TRAK1: variants seen among roughly 807,000 people sequenced by gnomAD.
TRAK1 encodes trafficking kinesin-binding protein 1.
In TRAK1, 33 loss-of-function variants were observed where a neutral mutation model predicts 92.1. The observed-to-expected ratio is 0.36, with a 90% CI of 0.27 to 0.48. TRAK1 has a LOEUF of 0.48. Among genes scored for constraint, TRAK1 ranks in the 20% least tolerant of loss-of-function variants. The pLI, the probability that TRAK1 is intolerant of heterozygous loss-of-function variation, is 0.99. For missense variants in TRAK1, 1,123 were observed against 1,257.9 expected (o/e 0.89, Z 1.62); for synonymous variants, 521 against 517.3 (o/e 1.01, Z -0.10).
Position 42,108,475 on chromosome 3 carries a change from G to T in TRAK1, c.91+16915G>T, listed in dbSNP as rs1011912050. Among the ~76,000 whole-genome samples, 29 of 143,130 alleles carry T rather than the reference G, an allele frequency of 2.0e-4. 1 individual carries two copies. In the East Asian group the frequency reaches 5.4e-3, roughly 27 times the overall value. 93.9% of individuals were successfully genotyped at this position (143,130 alleles called of 152,430 possible). Reference sequence around the variant, plus strand: ...CACTGCACTCCAGCGTGGGTGACAGGAGTGAGACCCTGCCTTTAAAAAAAA... The same window carrying T: ...CACTGCACTCCAGCGTGGGTGACAGTAGTGAGACCCTGCCTTTAAAAAAAA... On this transcript the variant is annotated intron_variant, in intron 1 of 15. Transcript: ENST00000327628.
At chr3:42,095,132 T>TTA (rs1337266996) in intron 1 of TRAK1, among the ~76,000 whole-genome samples, 3 of 152,314 alleles carry the variant, frequency 2.0e-5, no homozygotes, top group Middle Eastern at 3.4e-3. Flanking sequence ...GAGACACATA[T>TTA]TATACAGTTA....
intron 14 of TRAK1, chr3:42,210,840 A>AC (rs1442784603): frequency 3.0e-6 from 3 of 984,348 alleles, no homozygotes; most frequent in Non-Finnish European, 3.6e-6. Flanking sequence ...GCTCTGGCTG[A>AC]CTCCACCCAC....
At chr3:42,055,727 T>G (rs1246130283) in intron 1 of TRAK1, among the ~76,000 whole-genome samples, 3 of 152,200 alleles carry the variant, frequency 2.0e-5, no homozygotes, top group Admixed American at 2.0e-4. Context: ...CCTGCCAAAG[T>G]GCTGAGATTA....
chr3:42,076,387 A>T (rs1704160751), intron 1 of TRAK1, among the ~76,000 whole-genome samples: 1 of 149,998 alleles, frequency 6.7e-6, no homozygotes, highest in Admixed American at 6.7e-5. Flanking sequence ...CACCACGCCC[A>T]GCTGATTTGC....
intron 2 of TRAK1, among the ~76,000 whole-genome samples, chr3:42,158,639 A>C (rs973868660): frequency 6.6e-5 from 10 of 150,642 alleles, no homozygotes; most frequent in African/African-American, 2.5e-4. Context: ...TCTAATTTTC[A>C]AGTTCTAAAA....
intron 2 of TRAK1, chr3:42,160,472 G>A (rs1036263399): frequency 3.1e-6 from 5 of 1,613,946 alleles, no homozygotes; most frequent in Middle Eastern, 1.6e-4. Flanking sequence ...TCTTGGAAGA[G>A]GGTAAATTCT....
intron 3 of TRAK1, among the ~76,000 whole-genome samples, chr3:42,177,837 C>G (rs188126976): frequency 1.3e-5 from 2 of 152,304 alleles, no homozygotes; most frequent in Admixed American, 6.5e-5. Context: ...GCCATCCACT[C>G]CTGTTTGATC....
intron 14 of TRAK1, 107 bp from the exon 15 acceptor site, chr3:42,219,387 C>T (rs1458912167): frequency 1.3e-6 from 2 of 1,594,452 alleles, no homozygotes; most frequent in Non-Finnish European, 1.7e-6. Context: ...ATCCAGTTAA[C>T]AAGGTAGCTC....
At chr3:42,210,307 A>T in intron 14 of TRAK1, 1 of 1,502,390 alleles carries the variant, frequency 6.7e-7, no homozygotes, top group South Asian at 1.4e-5. Flanking sequence ...ACAGAGTCTG[A>T]TGCCTCCTAT....
rs1272155640 is a variant in TRAK1, at chr3:42,160,555, A to G, written c.287-16259A>G. ...TTGAATGTTTTGCTGATTTCATAGC[A>G]CTGTTTTGTTTTTGTTTTTTTTTAA... On this transcript the variant is annotated intron_variant, in intron 2 of 15. Transcript: ENST00000327628. 1.9e-5 allele frequency: 26 copies of G among 1,348,308 alleles called. 1 individual carries two copies. In the Middle Eastern group the frequency reaches 1.5e-3, roughly 80 times the overall value. The allele number at this position is 1,348,308 out of a possible 1,614,324, so 83.5% of individuals were successfully genotyped here. A position where few individuals can be genotyped will look rare whatever the true frequency, so the allele number is the denominator to read the frequency against.
chr3:42,212,824 C>A (rs1171806520), intron 14 of TRAK1, among the ~76,000 whole-genome samples: 2 of 152,080 alleles, frequency 1.3e-5, no homozygotes, highest in Non-Finnish European at 2.9e-5. Context: ...AGTGGATGGG[C>A]AGTTCAGTTG....
At position 42,202,352 on chromosome 3, in the gene TRAK1, C is replaced by G; in HGVS notation, c.1428-84C>G. 7.5e-7 allele frequency: 1 copy of G among 1,327,488 alleles called. No individual in the cohort carries two copies. Among genetic ancestry groups the G allele is most frequent in the Non-Finnish European group, 9.8e-7 (1 of 1,021,150 alleles). 82.2% of individuals were successfully genotyped at this position (1,327,488 alleles called of 1,614,324 possible). ...AGAATCCTGTAGCCCCAGGGAACGT[C>G]CACCGCTGTGCATTGAGCAGTCGGG... On this transcript the variant is annotated intron_variant, in intron 12 of 15. Transcript: ENST00000327628. This position sits in a 1 kb window ranked among gnomAD's most constrained non-coding sequence, Gnocchi z 6.1.
chr3:42,065,991 A>G (rs2148931289), intron 1 of TRAK1, among the ~76,000 whole-genome samples: 1 of 152,308 alleles, frequency 6.6e-6, no homozygotes, highest in South Asian at 2.1e-4. Flanking sequence ...TTGTGCCAAA[A>G]ATGCCTTTTC....
chr3:42,159,882 C>T (rs1378895896), intron 2 of TRAK1, among the ~76,000 whole-genome samples: 2 of 152,228 alleles, frequency 1.3e-5, no homozygotes, highest in African/African-American at 2.4e-5. Context: ...ACAATTCCTC[C>T]GCCAGCGCCC....
upstream of TRAK1, chr3:42,091,259 G>A (rs774199617): frequency 6.5e-5 from 35 of 537,162 alleles, no homozygotes; most frequent in Non-Finnish European, 1.0e-4. Context: ...GGCTTAACAA[G>A]ATGAGCTGAT....
rs529338625 is a variant in TRAK1 at position 42,197,101 on chromosome 3, T to G, written c.1114-2076T>G. ...TCATAATTTTATTTGCCTAAAAATA[T>G]TATTCCAGGAAGGAGTCCACAGACT... On this transcript the variant is annotated intron_variant, in intron 10 of 15. Transcript: ENST00000327628. Among the ~76,000 whole-genome samples, 3 of 152,068 alleles carry G rather than the reference T, an allele frequency of 2.0e-5. No homozygotes were observed. The East Asian group carries it at 5.8e-4, about 29-fold the overall frequency.
At position 42,019,366 on chromosome 3, in the gene TRAK1, C is replaced by A. The variant is rs1701648928; in HGVS notation, c.-519+5249C>A. The stretch of plus-strand genomic sequence containing the variant: ...TCATAGCTCACTGTAACCTTGAACT[C>A]CTGGACTCAAGCCATCTTCCCGCTT... On this transcript the variant is annotated intron_variant, in intron 1 of 16. Coordinates refer to the TRAK1 transcript ENST00000487159. Among the ~76,000 whole-genome samples the A allele has an allele frequency of 2.0e-5, 3 of 152,152 alleles. No individual in the cohort carries two copies. The South Asian group carries it at 6.2e-4, about 32-fold the overall frequency.
At chr3:42,107,296 A>G (rs989953018) in intron 1 of TRAK1, among the ~76,000 whole-genome samples, 11 of 152,166 alleles carry the variant, frequency 7.2e-5, no homozygotes, top group Admixed American at 5.2e-4. Flanking sequence ...CGGGCGGATC[A>G]TGAGGTCAGG....
chr3:42,172,625 T>G (rs7651497), intron 2 of TRAK1, among the ~76,000 whole-genome samples: 109,971 of 151,972 alleles, frequency 0.72, 40,743 homozygotes, highest in East Asian at 0.99. Flanking sequence ...TTCTTAAAGC[T>G]ACTTGTCAGG....
Sources: allele counts gnomAD v4.1 joint callset (sites outside exome capture counted in the v4.1 genomes callset), GRCh38; gene constraint gnomAD v4.1.1; non-coding constraint Gnocchi (gnomAD v3.1); transcripts MANE v1.5; gene names NCBI Gene and HGNC (gene_info 2026-07-23, HGNC 2026-07-21).